The following PLEKHB2 variants were observed in gnomAD, a reference collection of about 807,000 sequenced individuals.
PLEKHB2 encodes the protein pleckstrin homology domain containing B2, also known as pleckstrin homology domain-containing family B member 2.
A neutral mutation model predicts 36.5 loss-of-function variants in PLEKHB2; 31 were observed. The ratio of observed to expected loss-of-function variants is 0.85; its 90% CI spans 0.64 to 1.15. PLEKHB2 has a LOEUF of 1.15. PLEKHB2 is among the 50% of genes most tolerant of loss of function. The probability of loss-of-function intolerance (pLI) is 0.00; values close to 1 mark genes in which losing one functional copy is unlikely to be tolerated. For missense variants in PLEKHB2, 262 were observed against 295.3 expected, an observed-to-expected ratio of 0.89 and a Z score of 0.83; for synonymous variants, 119 against 112.0, an observed-to-expected ratio of 1.06 and a Z score of -0.39.
intron 5 of PLEKHB2, 47 bp from the exon 6 acceptor site, chr2:131,132,855 A>C: frequency 9.3e-7 from 1 of 1,070,090 alleles, no homozygotes; most frequent in South Asian, 1.3e-5. Context: ...TCGAGCACAC[A>C]GCTGCTGGGA....
intron 1 of PLEKHB2, among the ~76,000 whole-genome samples, chr2:131,117,388 C>T (rs1481019023): frequency 6.6e-6 from 1 of 152,176 alleles, no homozygotes; most frequent in Admixed American, 6.5e-5. Context: ...GATCATTGCA[C>T]TCCAGCCTGG....
intron 7 of PLEKHB2, among the ~76,000 whole-genome samples, chr2:131,145,768 T>C (rs1269006865): frequency 6.6e-6 from 1 of 152,262 alleles, no homozygotes; most frequent in Non-Finnish European, 1.5e-5. Context: ...AAACAGTATA[T>C]TTCCAGTTGT....
chr2:131,113,087 A>AT (rs11292569), intron 1 of PLEKHB2, among the ~76,000 whole-genome samples: 24 of 146,320 alleles, frequency 1.6e-4, no homozygotes, highest in African/African-American at 2.0e-4. Context: ...TCGCTGAAGA[A>AT]TTTTTTTTTT....
At chr2:131,112,519 C>T (rs1695435744) in intron 1 of PLEKHB2, among the ~76,000 whole-genome samples, 1 of 152,038 alleles carries the variant, frequency 6.6e-6, no homozygotes, top group African/African-American at 2.4e-5. Flanking sequence ...TTATTTAGGC[C>T]AGATTTGAGG....
At chr2:131,135,017 T>C (rs1373449217) in intron 6 of PLEKHB2, among the ~76,000 whole-genome samples, 1 of 152,238 alleles carries the variant, frequency 6.6e-6, no homozygotes, top group African/African-American at 2.4e-5. Context: ...CTTTGTTTAC[T>C]GCCAGTATAG....
At chr2:131,141,311 G>C (rs1698753179) in intron 7 of PLEKHB2, among the ~76,000 whole-genome samples, 1 of 152,112 alleles carries the variant, frequency 6.6e-6, no homozygotes, top group Non-Finnish European at 1.5e-5. Flanking sequence ...TGCTTTGCTT[G>C]ACTTTTTTTC....
At chr2:131,139,274 C>T (rs1001099011) in intron 6 of PLEKHB2, among the ~76,000 whole-genome samples, 2 of 152,100 alleles carry the variant, frequency 1.3e-5, no homozygotes, top group African/African-American at 4.8e-5. Context: ...GTTCCTCTCC[C>T]GTCTGTCTTC....
rs896996204 is a variant in PLEKHB2, at chr2:131,149,803, G to T, written c.*3030G>T. 6.6e-6 allele frequency: 1 copy of T among 152,186 alleles called. No homozygotes were observed. Among genetic ancestry groups the T allele is most frequent in the African/African-American group, 2.4e-5 (1 of 41,434 alleles). The allele number at this position is 152,186 out of a possible 1,614,324, so 9.4% of individuals were successfully genotyped here. On this transcript the variant is annotated 3_prime_UTR_variant, in exon 8 of 8. Transcript: ENST00000693505. The stretch of plus-strand genomic sequence containing the variant: ...TCCTACATACGCAAATTGTACATTT[G>T]TAAGTGAAAATGTCAATACATTAAA...
At chr2:131,117,569 G>T (rs958459632) in intron 1 of PLEKHB2, among the ~76,000 whole-genome samples, 15 of 152,140 alleles carry the variant, frequency 9.9e-5, no homozygotes, top group Non-Finnish European at 2.1e-4. Flanking sequence ...TCATGACTAC[G>T]TAGTTCTCAG....
intron 6 of PLEKHB2, among the ~76,000 whole-genome samples, chr2:131,134,250 G>C (rs183654197): frequency 1.4e-4 from 22 of 152,040 alleles, no homozygotes; most frequent in Non-Finnish European, 3.2e-4. Flanking sequence ...GCAGTGGCAC[G>C]ATCTCGGCTC....
intron 4 of PLEKHB2, among the ~76,000 whole-genome samples, chr2:131,129,461 G>C (rs1573586222): frequency 6.6e-6 from 1 of 152,130 alleles, no homozygotes; most frequent in South Asian, 2.1e-4. Flanking sequence ...GATAGGGTCA[G>C]TAAGAAAAGT....
intron 1 of PLEKHB2, among the ~76,000 whole-genome samples, chr2:131,115,100 C>A (rs1419548047): frequency 7.2e-5 from 11 of 152,086 alleles, no homozygotes; most frequent in Non-Finnish European, 1.0e-4. Context: ...TGGTGGAAGG[C>A]AAATGAGGAA....
rs79163823 is a variant in PLEKHB2, at chr2:131,123,193, A to G, written c.37+2215A>G. On this transcript the variant is annotated intron_variant, in intron 2 of 7. Transcript: ENST00000693505. ...TGTATTCAGACGATTTACTCTGTAT[A>G]TAACCCCATCCCCATATGTATGGGT... Among the ~76,000 whole-genome samples the G allele has an allele frequency of 8.5e-5, 13 of 152,332 alleles. No individual in the cohort carries two copies. In the East Asian group the frequency reaches 2.5e-3, roughly 29 times the overall value.
intron 1 of PLEKHB2, among the ~76,000 whole-genome samples, chr2:131,112,693 A>G (rs1393132788): frequency 6.6e-6 from 1 of 152,212 alleles, no homozygotes; most frequent in South Asian, 2.1e-4. Context: ...TTCCAGGAAC[A>G]TGAAGAAAAT....
In PLEKHB2 at chr2:131,128,758, TA is replaced by T. The variant is rs376867346; in HGVS notation, c.294-1956del. 1.9e-4 allele frequency among the ~76,000 whole-genome samples: 29 copies of T among 152,242 alleles called. No homozygotes were observed. The East Asian group carries it at 5.2e-3, about 27-fold the overall frequency. Reference sequence around the variant, plus strand: ...TGAAAAGATCAGAGATATGTTAGACTAAAAAAAGTTCAGAAAGATTATTGAT... The same window carrying T: ...TGAAAAGATCAGAGATATGTTAGACTAAAAAAGTTCAGAAAGATTATTGAT... On this transcript the variant is annotated intron_variant, in intron 4 of 7. Transcript: ENST00000693505.
At chr2:131,117,666 A>G (rs946896300) in intron 1 of PLEKHB2, among the ~76,000 whole-genome samples, 18 of 152,304 alleles carry the variant, frequency 1.2e-4, no homozygotes, top group African/African-American at 4.3e-4. Flanking sequence ...AGGAAGCTGT[A>G]GTATGAATAT....
chr2:131,145,606 A>T (rs1699204774), intron 7 of PLEKHB2, among the ~76,000 whole-genome samples: 4 of 152,184 alleles, frequency 2.6e-5, no homozygotes, highest in African/African-American at 9.7e-5. Flanking sequence ...AAGTGCTGGC[A>T]TTACAGGTGT....
Position 131,125,753 on chromosome 2 carries a change from G to C in PLEKHB2, c.38G>C (p.Ser13Thr). 1 of 1,585,076 alleles carries C rather than the reference G, an allele frequency of 6.3e-7. No individual in the cohort carries two copies. The highest frequency in any genetic ancestry group is 8.5e-7 in the Non-Finnish European group (1 of 1,169,934). Reference sequence around the variant, plus strand: ...CAACCGTACTATTTTTTTTTTCCAGGTACTATTTTGAAGCGCTGGAAGAAG... The same window carrying C: ...CAACCGTACTATTTTTTTTTTCCAGCTACTATTTTGAAGCGCTGGAAGAAG... ...FVKSGWLLRQ[S>T]TILKRWKKNW... The change falls in exon 3 of 8, where the codon AGT becomes ACT. Residue 13 changes from serine (S) to threonine (T), a missense_variant and splice_region_variant. By Grantham distance (58) the Ser-to-Thr change is moderately conservative (BLOSUM62 1). Coordinates refer to ENST00000693505, the MANE Select transcript of PLEKHB2 (RefSeq NM_001100623.2).
At chr2:131,135,407 T>A (rs980097125) in intron 6 of PLEKHB2, among the ~76,000 whole-genome samples, 32 of 152,290 alleles carry the variant, frequency 2.1e-4, no homozygotes, top group Admixed American at 1.3e-4. Context: ...TCTATTTCCT[T>A]TTTCTGTAGA....
Sources: gnomAD v4.1 joint callset for allele counts (sites outside exome capture counted in the v4.1 genomes callset) on GRCh38, gnomAD v4.1.1 for gene constraint, MANE v1.5 for transcripts, NCBI Gene and HGNC (gene_info 2026-07-23, HGNC 2026-07-21) for gene names.